The following EVA1C variants were observed in gnomAD, a reference collection of about 807,000 sequenced individuals.
The protein encoded by EVA1C is eva-1 homolog C, also known as protein eva-1 homolog C.
In EVA1C, 25 loss-of-function variants were observed where a neutral mutation model predicts 45.4. That is an observed-to-expected ratio of 0.55 (90% confidence interval 0.40 to 0.77). The LOEUF (loss-of-function observed/expected upper bound fraction) is 0.77, where lower values mean the gene tolerates loss of function less well. Among genes scored for constraint, EVA1C ranks in the 30% least tolerant of loss-of-function variants. The pLI, the probability that EVA1C is intolerant of heterozygous loss-of-function variation, is 0.00. For synonymous variants in EVA1C, 190 were observed against 221.2 expected (o/e 0.86, Z 1.25); for missense variants, 479 against 554.8 (o/e 0.86, Z 1.37).
At chr21:32,493,392 C>T (rs898200042) in intron 4 of EVA1C, among the ~76,000 whole-genome samples, 4 of 152,226 alleles carry the variant, frequency 2.6e-5, no homozygotes, top group Non-Finnish European at 4.4e-5. Flanking sequence ...TTAGCTAAGC[C>T]TTTGAAAGTG....
intron 4 of EVA1C, 129 bp downstream of exon 4, chr21:32,467,977 G>T: frequency 1.8e-6 from 1 of 550,742 alleles, no homozygotes; most frequent in South Asian, 9.0e-5. Context: ...TCACGATCTT[G>T]TGATCGTGTA....
chr21:32,417,873 C>T (rs1490345174), intron 1 of EVA1C, among the ~76,000 whole-genome samples: 1 of 152,170 alleles, frequency 6.6e-6, no homozygotes, highest in Non-Finnish European at 1.5e-5. Flanking sequence ...GTAATTGGCC[C>T]TGGGAGAGCC....
chr21:32,457,567 G>A, intron 2 of EVA1C, 30 bp from the exon 3 acceptor site: 2 of 1,613,734 alleles, frequency 1.2e-6, no homozygotes, highest in Non-Finnish European at 1.7e-6. Flanking sequence ...CAGTTTTCAA[G>A]CCTGTCCCTT....
chr21:32,424,253 G>A (rs977218126), intron 1 of EVA1C, among the ~76,000 whole-genome samples: 3 of 152,054 alleles, frequency 2.0e-5, no homozygotes, highest in Non-Finnish European at 1.5e-5. Context: ...AGTGGCTTCC[G>A]AAATTCTCAG....
intron 3 of EVA1C, among the ~76,000 whole-genome samples, chr21:32,460,130 G>C (rs2035944784): frequency 6.6e-6 from 1 of 152,120 alleles, no homozygotes; most frequent in South Asian, 2.1e-4. Flanking sequence ...CACAGGAGTG[G>C]AATATGAAGA....
intron 3 of EVA1C, among the ~76,000 whole-genome samples, chr21:32,464,651 G>C (rs1276884888): frequency 3.3e-5 from 5 of 151,960 alleles, no homozygotes; most frequent in Non-Finnish European, 7.4e-5. Context: ...GTGAAACCCT[G>C]TCTCTACTAA....
rs2037297174 is a variant in EVA1C, at chr21:32,495,019, C to T, written c.635-8C>T. On this transcript the variant is annotated splice_region_variant and splice_polypyrimidine_tract_variant and intron_variant, in intron 4 of 7. Transcript: ENST00000300255. ...AACCTGAAGTTCTGGGTGTTTCCTG[C>T]CTTTCAGATTGCTTGTCTTACTCAG... 6.2e-7 allele frequency: 1 copy of T among 1,613,356 alleles called. No homozygotes were observed. The highest frequency in any genetic ancestry group is 8.5e-7 in the Non-Finnish European group (1 of 1,179,498).
chr21:32,441,906 CAG>C (rs1275901712), intron 1 of EVA1C, among the ~76,000 whole-genome samples: 1 of 152,188 alleles, frequency 6.6e-6, no homozygotes, highest in Non-Finnish European at 1.5e-5. Context: ...TCTGGGGCCT[CAG>C]AGTCTGTCCT....
At chr21:32,460,463 G>A (rs371544071) in intron 3 of EVA1C, among the ~76,000 whole-genome samples, 29 of 152,274 alleles carry the variant, frequency 1.9e-4, no homozygotes, top group African/African-American at 7.0e-4. Flanking sequence ...CACACACACT[G>A]CATCAGACTG....
At position 32,502,278 on chromosome 21, in the gene EVA1C, T is replaced by C. The variant is rs368614574; in HGVS notation, c.859+783T>C. 5.3e-5 allele frequency among the ~76,000 whole-genome samples: 8 copies of C among 152,026 alleles called. No individual in the cohort carries two copies. In the East Asian group the frequency reaches 1.4e-3, roughly 26 times the overall value. ...CACACCTGGCTAATTTTTGTGTTTT[T>C]AGTAGAGACGGGGTTTCACCATGTT... On this transcript the variant is annotated intron_variant, in intron 6 of 7. Coordinates refer to ENST00000300255, the MANE Select transcript of EVA1C (RefSeq NM_058187.5).
upstream of EVA1C, chr21:32,412,470 G>C (rs1317016145): frequency 1.2e-5 from 2 of 173,016 alleles, no homozygotes; most frequent in African/African-American, 4.7e-5. Context: ...GCGCGGCCCG[G>C]GGCGCGCTAC....
At position 32,412,921 on chromosome 21, in the gene EVA1C, G is replaced by C. The variant is rs1232202174; in HGVS notation, c.68G>C (p.Arg23Pro). Reference sequence around the variant, plus strand: ...CCCGTGCAGCATCCCGGCCTCCGCCGGCAGGTAGAGCCGCCGGGGCAGCTC... The same window carrying C: ...CCCGTGCAGCATCCCGGCCTCCGCCCGCAGGTAGAGCCGCCGGGGCAGCTC... The part of the protein sequence containing the change: ...PQPVQHPGLR[R>P]QVEPPGQLLR... The change falls in exon 1 of 8, where the codon CGG becomes CCG. Residue 23 changes from arginine to proline, a missense_variant. Arg to Pro is a moderately radical substitution (Grantham distance 103). Coordinates refer to ENST00000300255, the MANE Select transcript of EVA1C (RefSeq NM_058187.5). The C allele has an allele frequency of 9.2e-6, 14 of 1,525,870 alleles. No individual in the cohort carries two copies. The highest frequency in any genetic ancestry group is 1.2e-5 in the South Asian group (1 of 81,786). 94.5% of individuals were successfully genotyped at this position (1,525,870 alleles called of 1,614,324 possible).
rs1411140870 is a variant in EVA1C at position 32,476,422 on chromosome 21, G to A, written c.634+8574G>A. Among the ~76,000 whole-genome samples the A allele has an allele frequency of 8.5e-5, 13 of 152,112 alleles. No homozygotes were observed. In the South Asian group the frequency reaches 1.9e-3, roughly 22 times the overall value. ...TTTGGGAGGCCGAGGCAGGTGGATC[G>A]CCTGAGGTCGGGAGTTTGAGACCAG... is the stretch of plus-strand genomic sequence containing the variant. On this transcript the variant is annotated intron_variant, in intron 4 of 7. Coordinates refer to ENST00000300255, the MANE Select transcript of EVA1C (RefSeq NM_058187.5).
intron 4 of EVA1C, 64 bp downstream of exon 4, chr21:32,467,912 A>ATATATATATCC (rs918914556): frequency 2.9e-6 from 3 of 1,041,414 alleles, no homozygotes; most frequent in African/African-American, 3.4e-5. Flanking sequence ...TAGAATATAT[A>ATATATATATCC]TATATATATC....
rs536947178 is a variant in EVA1C, at chr21:32,467,863, G to A, written c.634+15G>A. ...CCCCCCTTTCGGTATGTGCTTTTGTGTGTGTATTAGCCAGGGTTCTCTAGA... is the reference window on the plus strand; with the variant it reads ...CCCCCCTTTCGGTATGTGCTTTTGTATGTGTATTAGCCAGGGTTCTCTAGA... On this transcript the variant is annotated intron_variant, in intron 4 of 7. Transcript: ENST00000300255. The A allele has an allele frequency of 2.1e-5, 33 of 1,591,038 alleles. No homozygotes were observed. The highest frequency in any genetic ancestry group is 2.7e-5 in the Non-Finnish European group (32 of 1,171,308).
intron 5 of EVA1C, chr21:32,497,310 G>T: frequency 1.5e-6 from 1 of 656,040 alleles, no homozygotes; most frequent in South Asian, 1.5e-5. Flanking sequence ...GCAGAAAGTT[G>T]ATATAGGTGG....
chr21:32,479,883 TA>T (rs2036715634), intron 4 of EVA1C, among the ~76,000 whole-genome samples: 2 of 151,256 alleles, frequency 1.3e-5, no homozygotes, highest in South Asian at 4.2e-4. Context: ...CCTTAAGGAA[TA>T]TGGTCAGGCA....
At chr21:32,467,874 C>A in intron 4 of EVA1C, 26 bp downstream of exon 4, 1 of 1,556,562 alleles carries the variant, frequency 6.4e-7, no homozygotes, top group Non-Finnish European at 8.7e-7. Context: ...TGTGTATTAG[C>A]CAGGGTTCTC....
At chr21:32,508,391 C>A (rs1246772853) in intron 7 of EVA1C, among the ~76,000 whole-genome samples, 1 of 152,190 alleles carries the variant, frequency 6.6e-6, no homozygotes, top group Non-Finnish European at 1.5e-5. Context: ...GACAGGCTTG[C>A]AGCCTGGGAT....
Sources: allele counts gnomAD v4.1 joint callset (sites outside exome capture counted in the v4.1 genomes callset), GRCh38; gene constraint gnomAD v4.1.1; transcripts MANE v1.5; gene names NCBI Gene and HGNC (gene_info 2026-07-23, HGNC 2026-07-21).